The following SH2D4A variants were observed in gnomAD, a reference collection of about 807,000 sequenced individuals.
SH2D4A encodes the protein SH2 domain containing 4A.
A neutral mutation model predicts 64.7 loss-of-function variants in SH2D4A; 70 were observed. The observed-to-expected ratio is 1.08, with a 90% CI of 0.89 to 1.32. The LOEUF is 1.32. SH2D4A is among the 40% of genes most tolerant of loss of function. The pLI is 0.00. For synonymous variants in SH2D4A, 268 were observed against 200.7 expected, an observed-to-expected ratio of 1.34 and a Z score of -2.83; for missense variants, 706 against 540.1, an observed-to-expected ratio of 1.31 and a Z score of -3.04.
At chr8:19,314,163 C>T in intron 1 of SH2D4A, 2 of 998,036 alleles carry the variant, frequency 2.0e-6, no homozygotes, top group Non-Finnish European at 1.2e-6. Context: ...GGCTGAGGAC[C>T]TTCGGGGAAG....
intron 8 of SH2D4A, among the ~76,000 whole-genome samples, chr8:19,392,941 C>T (rs1472705695): frequency 1.3e-5 from 2 of 152,046 alleles, no homozygotes; most frequent in Non-Finnish European, 2.9e-5. Flanking sequence ...TGGGGTTTCA[C>T]CGTATTAGTC....
intron 4 of SH2D4A, among the ~76,000 whole-genome samples, chr8:19,337,705 G>A (rs2052465292): frequency 6.6e-6 from 1 of 152,178 alleles, no homozygotes; most frequent in Admixed American, 6.5e-5. Flanking sequence ...CATGGCAGCA[G>A]ACAAGAGAGC....
chr8:19,352,030 G>A (rs1403249817), intron 4 of SH2D4A, among the ~76,000 whole-genome samples: 1 of 152,180 alleles, frequency 6.6e-6, no homozygotes, highest in Admixed American at 6.5e-5. Context: ...TGATCCGCCT[G>A]CCTCAGCTTT....
In SH2D4A at chr8:19,319,726, A is replaced by G. The variant is rs1485323580; in HGVS notation, c.179A>G (p.Lys60Arg). The G allele has an allele frequency of 2.5e-6, 4 of 1,573,140 alleles. No individual in the cohort carries two copies. The highest frequency in any genetic ancestry group is 3.4e-6 in the Non-Finnish European group (4 of 1,164,264). ...ESLPVKPRPK[K>R]ENGKSVHWKL... Reference sequence around the variant, plus strand: ...CTGCCAGTGAAACCCAGACCAAAGAAAGGTAAACTTATCCACGTTTCTTCT... The same window carrying G: ...CTGCCAGTGAAACCCAGACCAAAGAGAGGTAAACTTATCCACGTTTCTTCT... Residue 60 changes from lysine (K) to arginine (R), a missense_variant and splice_region_variant, in exon 2 of 10, where the codon AAA (lysine) becomes AGA (arginine). Lys to Arg is a conservative substitution (Grantham distance 26, BLOSUM62 2). Coordinates refer to ENST00000265807, the MANE Select transcript of SH2D4A (RefSeq NM_022071.4).
intron 1 of SH2D4A, among the ~76,000 whole-genome samples, chr8:19,317,468 G>C (rs753694008): frequency 6.7e-6 from 1 of 149,694 alleles, no homozygotes; most frequent in South Asian, 2.2e-4. Flanking sequence ...GTTGAATGCT[G>C]CCGAGATGAT....
chr8:19,377,138 T>C (rs910712685), intron 8 of SH2D4A, among the ~76,000 whole-genome samples: 9 of 152,170 alleles, frequency 5.9e-5, no homozygotes, highest in African/African-American at 2.2e-4. Context: ...CCCAGTGCTT[T>C]TGAGAGGCTA....
Position 19,364,101 on chromosome 8 carries a change from A to T in SH2D4A, c.736A>T (p.Arg246Ter). ...AAAATCCAAAGCAGCTGATGAGAAG[A>T]GACGCTCCTTGGCTAAACAAGCACG... is the stretch of plus-strand genomic sequence containing the variant. ...LRKSKAADEK[R>*]RSLAKQARED... The change falls in exon 7 of 10, where the codon AGA becomes TGA. Residue 246 changes from arginine (R) to a stop codon, truncating the protein, a stop_gained. Coordinates refer to ENST00000265807, the MANE Select transcript of SH2D4A (RefSeq NM_022071.4). LOFTEE classifies it high-confidence loss of function. 2 of 1,614,008 alleles carry T rather than the reference A, an allele frequency of 1.2e-6. No individual in the cohort carries two copies. The highest frequency in any genetic ancestry group is 1.7e-6 in the Non-Finnish European group (2 of 1,179,914).
At chr8:19,316,913 A>G (rs1178980569) in intron 1 of SH2D4A, among the ~76,000 whole-genome samples, 2 of 152,204 alleles carry the variant, frequency 1.3e-5, no homozygotes, top group African/African-American at 2.4e-5. Flanking sequence ...TAACACATGT[A>G]GAGTGCTTAA....
At chr8:19,385,334 C>A (rs1383149468) in intron 8 of SH2D4A, among the ~76,000 whole-genome samples, 1 of 152,000 alleles carries the variant, frequency 6.6e-6, no homozygotes, top group South Asian at 2.1e-4. Context: ...CTCTGCCTCC[C>A]AGGTAGTTGG....
chr8:19,385,707 G>A (rs2053378233), intron 8 of SH2D4A, among the ~76,000 whole-genome samples: 1 of 152,148 alleles, frequency 6.6e-6, no homozygotes, highest in South Asian at 2.1e-4. Context: ...ACGGGGACCA[G>A]ATACCACCCC....
intron 1 of SH2D4A, chr8:19,314,152 G>A: frequency 9.5e-7 from 1 of 1,049,284 alleles, no homozygotes; most frequent in Non-Finnish European, 1.2e-6. Flanking sequence ...GGGTCTGCCG[G>A]GGCTGAGGAC....
Position 19,371,828 on chromosome 8 carries a change from C to A in SH2D4A, c.918-1702C>A, listed in dbSNP as rs553241898. 9.9e-5 allele frequency among the ~76,000 whole-genome samples: 15 copies of A among 152,268 alleles called. No individual in the cohort carries two copies. The East Asian group carries it at 2.7e-3, about 27-fold the overall frequency. On this transcript the variant is annotated intron_variant, in intron 7 of 9. Transcript: ENST00000265807. Reference sequence around the variant, plus strand: ...CTAATAAGTGTACTGTTGAAACCCTCTATTGCATTTTTCATTTTATTCATT... The same window carrying A: ...CTAATAAGTGTACTGTTGAAACCCTATATTGCATTTTTCATTTTATTCATT...
intron 8 of SH2D4A, among the ~76,000 whole-genome samples, chr8:19,387,019 C>G (rs76458005): frequency 7.0e-6 from 1 of 143,312 alleles, no homozygotes; most frequent in Non-Finnish European, 1.5e-5. Context: ...CCACACCCAG[C>G]TAATAGTTTT....
chr8:19,369,358 G>A (rs1277809882), intron 7 of SH2D4A, among the ~76,000 whole-genome samples: 1 of 152,098 alleles, frequency 6.6e-6, no homozygotes, highest in Non-Finnish European at 1.5e-5. Context: ...CATAGAATGA[G>A]TTAGGAAGAA....
chr8:19,344,369 A>G (rs956404935), intron 4 of SH2D4A, among the ~76,000 whole-genome samples: 2 of 152,124 alleles, frequency 1.3e-5, no homozygotes, highest in African/African-American at 2.4e-5. Flanking sequence ...CCAGGGGCCA[A>G]TCTTTGTACC....
At chr8:19,336,547 C>T (rs2052449065) in intron 4 of SH2D4A, among the ~76,000 whole-genome samples, 1 of 152,066 alleles carries the variant, frequency 6.6e-6, no homozygotes, top group African/African-American at 2.4e-5. Context: ...CAAGAAAGCT[C>T]CTTCCAGAGT....
At chr8:19,328,455 G>A (rs542565630) in intron 2 of SH2D4A, among the ~76,000 whole-genome samples, 2 of 151,994 alleles carry the variant, frequency 1.3e-5, no homozygotes, top group African/African-American at 4.8e-5. Flanking sequence ...CAGGATTCTG[G>A]CATCATCTTT....
At chr8:19,329,709 A>G (rs1198144602) in intron 2 of SH2D4A, among the ~76,000 whole-genome samples, 9 of 152,180 alleles carry the variant, frequency 5.9e-5, no homozygotes, top group African/African-American at 2.2e-4. Context: ...GGTAGTGAAT[A>G]AGTCTTCTGA....
At chr8:19,362,492 C>A (rs2052907863) in intron 6 of SH2D4A, among the ~76,000 whole-genome samples, 1 of 152,190 alleles carries the variant, frequency 6.6e-6, no homozygotes, top group Non-Finnish European at 1.5e-5. Flanking sequence ...GTAATCCCAG[C>A]CTTTTGGGAG....
Sources: allele counts gnomAD v4.1 joint callset (sites outside exome capture counted in the v4.1 genomes callset), GRCh38; gene constraint gnomAD v4.1.1; transcripts MANE v1.5; gene names NCBI Gene and HGNC (gene_info 2026-07-23, HGNC 2026-07-21).